The following DPH7 variants were observed in gnomAD, a reference collection of about 807,000 sequenced individuals.
DPH7 encodes diphthamide biosynthesis 7.
A neutral mutation model predicts 41.7 loss-of-function variants in DPH7; 44 were observed. The observed-to-expected ratio is 1.05, with a 90% confidence interval of 0.83 to 1.36. DPH7 has a LOEUF of 1.36. Ranked by LOEUF, DPH7 falls within the 40% of genes most tolerant of loss-of-function variation. The pLI is 0.00. For missense variants in DPH7, 629 were observed against 577.5 expected, an observed-to-expected ratio of 1.09 and a Z score of -0.91; for synonymous variants, 275 against 238.0, an observed-to-expected ratio of 1.16 and a Z score of -1.43.
intron 6 of DPH7, 42 bp from the exon 7 acceptor site, chr9:137,565,000 G>T (rs1404194610): frequency 4.4e-6 from 7 of 1,604,166 alleles, no homozygotes; most frequent in Middle Eastern, 3.3e-4. Context: ...CCAGCACACA[G>T]ACCCACCCAG....
In DPH7 at chr9:137,554,909, C is replaced by A. The variant is rs1588752492; in HGVS notation, c.*330G>T. The A allele has an allele frequency of 2.0e-5, 5 of 248,086 alleles. No homozygotes were observed. The East Asian group carries it at 4.0e-4, about 20-fold the overall frequency. 15.4% of individuals were successfully genotyped at this position (248,086 alleles called of 1,614,324 possible). ...AAACATGTTATAAACTCGTGTTTTTCAAAAAACTTCATTTAATACAAATAG... is the reference window on the plus strand; with the variant it reads ...AAACATGTTATAAACTCGTGTTTTTAAAAAAACTTCATTTAATACAAATAG... On this transcript the variant is annotated 3_prime_UTR_variant, in exon 9 of 9. Transcript: ENST00000277540.
chr9:137,576,619 C>T (rs1329065482), intron 2 of DPH7, among the ~76,000 whole-genome samples: 1 of 152,000 alleles, frequency 6.6e-6, no homozygotes, highest in Non-Finnish European at 1.5e-5. Context: ...GGCCAGGCGT[C>T]GTGGCTCACG....
chr9:137,574,476 C>A, intron 4 of DPH7, 96 bp from the exon 5 acceptor site: 1 of 1,349,624 alleles, frequency 7.4e-7, no homozygotes, highest in African/African-American at 1.5e-5. Context: ...CTCCACAGCC[C>A]TGGGATGCGG....
intron 7 of DPH7, 141 bp from the exon 8 acceptor site, chr9:137,564,747 A>G (rs1839269207): frequency 7.0e-7 from 1 of 1,421,598 alleles, no homozygotes; most frequent in Non-Finnish European, 9.7e-7. Flanking sequence ...CCAAACCCAT[A>G]TACCTACACT....
At chr9:137,574,464 G>T in intron 4 of DPH7, 84 bp from the exon 5 acceptor site, 3 of 1,450,448 alleles carry the variant, frequency 2.1e-6, no homozygotes, top group Non-Finnish European at 2.8e-6. Flanking sequence ...CTGAGAGACG[G>T]TCTCCACAGC....
At chr9:137,560,700 A>G (rs1254799954) in intron 8 of DPH7, among the ~76,000 whole-genome samples, 1 of 151,996 alleles carries the variant, frequency 6.6e-6, no homozygotes. Flanking sequence ...TAAAAATACA[A>G]AAAAAATTAG....
chr9:137,577,432 G>T, intron 2 of DPH7, 38 bp downstream of exon 2: 1 of 1,599,114 alleles, frequency 6.3e-7, no homozygotes, highest in South Asian at 1.1e-5. Flanking sequence ...TGCTACTCAT[G>T]ACAAATTCTA....
chr9:137,555,543 G>A lies in DPH7; in HGVS notation c.1055C>T (p.Pro352Leu). The change falls in exon 9 of 9, where the codon CCC (proline) becomes CTC (leucine). Residue 352 changes from proline to leucine, a missense_variant. Pro to Leu is a moderately conservative substitution (Grantham distance 98). Transcript: ENST00000277540. ...WLLFRSLQRA[P>L]SWSFPSNLGT... Reference sequence around the variant, plus strand: ...TAGGTTGCTAGGAAAGGACCACGAGGGGGCCCGCTGCAGAGAACGGAAGAG... The same window carrying A: ...TAGGTTGCTAGGAAAGGACCACGAGAGGGCCCGCTGCAGAGAACGGAAGAG... 2.5e-6 allele frequency: 4 copies of A among 1,614,012 alleles called. No homozygotes were observed. The highest frequency in any genetic ancestry group is 2.2e-5 in the East Asian group (1 of 44,888).
rs567542819 is a variant in DPH7 at position 137,562,614 on chromosome 9, T to C, written c.949+1820A>G. Reference sequence around the variant, plus strand: ...AAAGAAAAAAGACCTCAAATTGTTTTAAGATGAGAAATATTATGGCTGGGC... The same window carrying C: ...AAAGAAAAAAGACCTCAAATTGTTTCAAGATGAGAAATATTATGGCTGGGC... On this transcript the variant is annotated intron_variant, in intron 8 of 8. Coordinates refer to ENST00000277540, the MANE Select transcript of DPH7 (RefSeq NM_138778.5). 9.2e-5 allele frequency among the ~76,000 whole-genome samples: 14 copies of C among 152,330 alleles called. No homozygotes were observed. The South Asian group carries it at 2.5e-3, about 27-fold the overall frequency.
rs1208046240 is a variant in DPH7 at position 137,565,128 on chromosome 9, A to G, written c.667T>C (p.Trp223Arg). ...SGGDDGLLRG[W>R]DTRVPGKFLF... ...AATTTGCCGGGTACCCTGGTGTCCC[A>G]GCCCCTCAGAAGGCCATCGTCGCCC... Residue 223 changes from tryptophan to arginine, a missense_variant, in exon 6 of 9, where the codon TGG (tryptophan) becomes CGG (arginine). Transcript: ENST00000277540. The G allele has an allele frequency of 1.9e-6, 3 of 1,614,034 alleles. No individual in the cohort carries two copies. In the East Asian group the frequency reaches 6.7e-5, roughly 36 times the overall value.
chr9:137,576,233 G>T, intron 2 of DPH7, 66 bp from the exon 3 acceptor site: 1 of 1,428,278 alleles, frequency 7.0e-7, no homozygotes, highest in Non-Finnish European at 9.8e-7. Context: ...TGTGCGTCCC[G>T]GTAACCACAG....
At chr9:137,573,352 CT>C (rs1292973011) in intron 5 of DPH7, among the ~76,000 whole-genome samples, 14 of 107,562 alleles carry the variant, frequency 1.3e-4, no homozygotes, top group East Asian at 5.0e-4. Context: ...CAGAGCAAGA[CT>C]CCATCTCAAA....
intron 1 of DPH7, chr9:137,577,978 C>CA (rs1841721568): frequency 1.0e-6 from 1 of 985,132 alleles, no homozygotes; most frequent in South Asian, 4.7e-5. Context: ...ACATTCCACC[C>CA]ATTCCCTTGG....
chr9:137,555,765 C>T, intron 8 of DPH7, 117 bp from the exon 9 acceptor site: 1 of 1,187,926 alleles, frequency 8.4e-7, no homozygotes, highest in Non-Finnish European at 1.1e-6. Flanking sequence ...GCAAGTGTTT[C>T]CTGAGGAGCC....
In DPH7 at chr9:137,564,421, G is replaced by T; in HGVS notation, c.949+13C>A. On this transcript the variant is annotated intron_variant, in intron 8 of 8. Coordinates refer to ENST00000277540, the MANE Select transcript of DPH7 (RefSeq NM_138778.5). ...CCTGCCCTGAGGCCCAGCAGCCACG[G>T]GTCCCCACTCACCCATTGCCTTTTG... 1 of 1,605,966 alleles carries T rather than the reference G, an allele frequency of 6.2e-7. No individual in the cohort carries two copies. The highest frequency in any genetic ancestry group is 8.5e-7 in the Non-Finnish European group (1 of 1,174,634).
intron 5 of DPH7, among the ~76,000 whole-genome samples, chr9:137,571,881 T>A (rs1035694436): frequency 1.3e-5 from 2 of 152,200 alleles, no homozygotes; most frequent in Admixed American, 1.3e-4. Flanking sequence ...TCACCTAGAA[T>A]AGGGCTCAGC....
intron 2 of DPH7, 49 bp downstream of exon 2, chr9:137,577,421 T>C (rs542948686): frequency 1.9e-6 from 3 of 1,586,816 alleles, no homozygotes; most frequent in East Asian, 2.3e-5. Flanking sequence ...GCTTCCCTGA[T>C]TGCTACTCAT....
Position 137,575,932 on chromosome 9 carries a change from T to C in DPH7, c.375+148A>G, listed in dbSNP as rs1841302140. 4 of 1,455,090 alleles carry C rather than the reference T, an allele frequency of 2.7e-6. No individual in the cohort carries two copies. The South Asian group carries it at 4.2e-5, about 15-fold the overall frequency. 90.1% of individuals were successfully genotyped at this position (1,455,090 alleles called of 1,614,324 possible). On this transcript the variant is annotated intron_variant, in intron 3 of 8. Transcript: ENST00000277540. ...TGTAGAACGCAATACAACTTAAAAA[T>C]AGACTCCACATTATCTTAGAACGTT... is the stretch of plus-strand genomic sequence containing the variant.
chr9:137,577,746 G>T, intron 1 of DPH7, 143 bp from the exon 2 acceptor site: 1 of 1,148,770 alleles, frequency 8.7e-7, no homozygotes, highest in Non-Finnish European at 1.2e-6. Flanking sequence ...CTGGTTTTCT[G>T]AGCTGGAGAA....
Sources: allele counts gnomAD v4.1 joint callset (sites outside exome capture counted in the v4.1 genomes callset), GRCh38; gene constraint gnomAD v4.1.1; transcripts MANE v1.5; gene names NCBI Gene and HGNC (gene_info 2026-07-23, HGNC 2026-07-21).